The following GRM7 variants were observed in gnomAD, a reference collection of about 807,000 sequenced individuals.
GRM7 encodes glutamate metabotropic receptor 7, also known as metabotropic glutamate receptor 7.
In GRM7, 35 loss-of-function variants were observed where a neutral mutation model predicts 84.5. The ratio of observed to expected loss-of-function variants is 0.41; its 90% CI spans 0.32 to 0.55. The LOEUF (loss-of-function observed/expected upper bound fraction) is 0.55. Among genes scored for constraint, GRM7 ranks in the 20% least tolerant of loss-of-function variants. The pLI, the probability that GRM7 is intolerant of heterozygous loss-of-function variation, is 0.19. For missense variants in GRM7, 1,003 were observed against 1,194.6 expected (o/e 0.84, Z 2.36); for synonymous variants, 487 against 455.1 (o/e 1.07, Z -0.89).
intron 1 of GRM7, among the ~76,000 whole-genome samples, chr3:7,037,356 A>G (rs960057002): frequency 6.6e-6 from 1 of 152,224 alleles, no homozygotes; most frequent in African/African-American, 2.4e-5. Context: ...TAGATTACAC[A>G]GGGTTAGAAC....
intron 8 of GRM7, among the ~76,000 whole-genome samples, chr3:7,614,968 T>TTCTA (rs1285059395): frequency 6.6e-6 from 1 of 152,212 alleles, no homozygotes; most frequent in Non-Finnish European, 1.5e-5. Context: ...TCAGTTTTTA[T>TTCTA]TCTATCTGTG....
intron 3 of GRM7, among the ~76,000 whole-genome samples, chr3:7,301,731 T>G (rs965818068): frequency 6.6e-6 from 1 of 152,214 alleles, no homozygotes; most frequent in Non-Finnish European, 1.5e-5. Flanking sequence ...ATAATTATTC[T>G]TGAGCACAGT....
intron 8 of GRM7, among the ~76,000 whole-genome samples, chr3:7,615,326 T>C (rs998747884): frequency 6.6e-6 from 1 of 152,154 alleles, no homozygotes; most frequent in Non-Finnish European, 1.5e-5. Context: ...TTTCAGTTTC[T>C]ACTGGGACTC....
At chr3:7,572,821 C>CAA (rs1437470999) in intron 7 of GRM7, among the ~76,000 whole-genome samples, 3 of 20,972 alleles carry the variant, frequency 1.4e-4, no homozygotes, top group African/African-American at 5.6e-4. Context: ...GACTCTATCT[C>CAA]AAATATATAT....
chr3:7,414,824 A>G (rs1449807493), intron 4 of GRM7, among the ~76,000 whole-genome samples, 199 bp from the exon 5 acceptor site: 1 of 152,080 alleles, frequency 6.6e-6, no homozygotes, highest in Non-Finnish European at 1.5e-5. Context: ...CCTACCTGTC[A>G]GATTGAACTA....
At chr3:7,115,010 G>C (rs1432958005) in intron 1 of GRM7, among the ~76,000 whole-genome samples, 1 of 152,114 alleles carries the variant, frequency 6.6e-6, no homozygotes, top group Non-Finnish European at 1.5e-5. Flanking sequence ...ACAAAAACTT[G>C]CTGTGTGCCA....
intron 2 of GRM7, among the ~76,000 whole-genome samples, chr3:7,273,848 C>A (rs1313179792): frequency 6.6e-6 from 1 of 151,830 alleles, no homozygotes; most frequent in Non-Finnish European, 1.5e-5. Flanking sequence ...TACACTTAGA[C>A]CATTGATGTT....
At chr3:7,092,602 G>T (rs572972146) in intron 1 of GRM7, among the ~76,000 whole-genome samples, 610 of 34,494 alleles carry the variant, frequency 0.018, no homozygotes, top group Middle Eastern at 0.058. Flanking sequence ...CTTTGAATTG[G>T]GGGGGGGGCA....
intron 2 of GRM7, among the ~76,000 whole-genome samples, chr3:7,183,966 A>G (rs1423198682): frequency 6.6e-6 from 1 of 152,222 alleles, no homozygotes; most frequent in Admixed American, 6.5e-5. Flanking sequence ...AAGACAAAGT[A>G]TAGATGGTCA....
chr3:7,619,504 A>T (rs1697261781), intron 8 of GRM7, among the ~76,000 whole-genome samples: 1 of 151,954 alleles, frequency 6.6e-6, no homozygotes, highest in Non-Finnish European at 1.5e-5. Flanking sequence ...TATATACTAA[A>T]CTGTAGAATG....
chr3:7,641,150 A>C (rs151021807), intron 8 of GRM7, among the ~76,000 whole-genome samples: 1 of 152,124 alleles, frequency 6.6e-6, no homozygotes. Context: ...AGTAAACTCA[A>C]TTTCTTCCTA....
chr3:7,669,222 TACATCCTATAA>T (rs1393224517), intron 8 of GRM7, among the ~76,000 whole-genome samples: 1 of 152,114 alleles, frequency 6.6e-6, no homozygotes, highest in African/African-American at 2.4e-5. Context: ...AGGAAAATAA[TACATCCTATAA>T]GCGAGTAAAA....
rs144055707 is a variant in GRM7, at chr3:7,175,431, A to G, written c.736+28763A>G. On this transcript the variant is annotated intron_variant, in intron 2 of 9. Coordinates refer to ENST00000357716, the MANE Select transcript of GRM7 (RefSeq NM_000844.4). ...ACAAAGACTTTGTTTAGAATGTGGA[A>G]GAGATTATTGTGTCACTTCTTCATT... 2.0e-3 allele frequency among the ~76,000 whole-genome samples: 307 copies of G among 152,350 alleles called. 2 individuals carry two copies. The highest frequency in any genetic ancestry group is 7.0e-3 in the African/African-American group (293 of 41,590).
chr3:6,861,290 G>T lies in GRM7; in HGVS notation c.-99G>T. Reference sequence around the variant, plus strand: ...CCCTCCGTGCCTGCAGGAGCCCCTGGGCTTTCCCGGAGGAGCTCGCCCTGA... The same window carrying T: ...CCCTCCGTGCCTGCAGGAGCCCCTGTGCTTTCCCGGAGGAGCTCGCCCTGA... On this transcript the variant is annotated 5_prime_UTR_variant, in exon 1 of 10. Transcript: ENST00000357716. The surrounding 1 kb of genome is among the most constrained non-coding windows in gnomAD (Gnocchi z 6.4). 1 of 1,104,276 alleles carries T rather than the reference G, an allele frequency of 9.1e-7. No homozygotes were observed. The highest frequency in any genetic ancestry group is 1.2e-6 in the Non-Finnish European group (1 of 831,324). 68.4% of individuals were successfully genotyped at this position (1,104,276 alleles called of 1,614,324 possible). A position where few individuals can be genotyped will look rare whatever the true frequency, so the allele number is the denominator to read the frequency against.
intron 1 of GRM7, among the ~76,000 whole-genome samples, chr3:7,041,990 C>T (rs948630484): frequency 3.3e-5 from 5 of 152,200 alleles, no homozygotes; most frequent in Non-Finnish European, 4.4e-5. Flanking sequence ...TATCAGATAG[C>T]TGAGCACATG....
intron 9 of GRM7, among the ~76,000 whole-genome samples, chr3:7,693,044 T>TTTTGATGGTCTAAAAATTTAAA (rs1700868289): frequency 1.3e-5 from 2 of 152,100 alleles, no homozygotes; most frequent in Non-Finnish European, 2.9e-5. Flanking sequence ...CTTGGATTTT[T>TTTTGATGGTCTAAAAATTTAAA]TTTGATGGTC....
At chr3:7,354,416 C>T (rs537348056) in intron 4 of GRM7, among the ~76,000 whole-genome samples, 1 of 152,234 alleles carries the variant, frequency 6.6e-6, no homozygotes, top group South Asian at 2.1e-4. Context: ...GGTTCAGATG[C>T]ATGAGTGGAA....
intron 1 of GRM7, among the ~76,000 whole-genome samples, chr3:7,141,451 A>G (rs1693941537): frequency 6.6e-6 from 1 of 152,112 alleles, no homozygotes; most frequent in South Asian, 2.1e-4. Context: ...AATAGATAAA[A>G]GTAGATAATT....
At position 7,011,370 on chromosome 3, in the gene GRM7, G is replaced by C. The variant is rs73128586; in HGVS notation, c.520-135082G>C. Among the ~76,000 whole-genome samples, 393 of 152,246 alleles carry C rather than the reference G, an allele frequency of 2.6e-3. 2 individuals carry two copies. Among genetic ancestry groups the C allele is most frequent in the African/African-American group, 9.1e-3 (380 of 41,536 alleles). ...TAGTGAATTGGTAAATCTCTACCCT[G>C]ATGCTCTTAATGCCACCTTTTATTT... On this transcript the variant is annotated intron_variant, in intron 1 of 9. Transcript: ENST00000357716.
Sources: gnomAD v4.1 joint callset for allele counts (sites outside exome capture counted in the v4.1 genomes callset) on GRCh38, gnomAD v4.1.1 for gene constraint, Gnocchi (gnomAD v3.1) non-coding constraint, MANE v1.5 for transcripts, NCBI Gene and HGNC (gene_info 2026-07-23, HGNC 2026-07-21) for gene names.